IQCJ: variants seen among roughly 807,000 people sequenced by gnomAD.
IQCJ encodes IQ motif containing J, also known as IQ domain-containing protein J.
In IQCJ, 9 loss-of-function variants were observed where a neutral mutation model predicts 11.0. The observed-to-expected ratio is 0.82, with a 90% CI of 0.49 to 1.43. The LOEUF is 1.43. IQCJ is among the 40% of genes most tolerant of loss of function. IQCJ has a pLI of 0.00. For synonymous variants in IQCJ, 55 were observed against 51.3 expected, an observed-to-expected ratio of 1.07 and a Z score of -0.31; for missense variants, 146 against 133.2, an observed-to-expected ratio of 1.10 and a Z score of -0.47.
At chr3:159,182,741 C>T (rs541404594) in intron 1 of IQCJ, among the ~76,000 whole-genome samples, 3 of 151,544 alleles carry the variant, frequency 2.0e-5, no homozygotes, top group Non-Finnish European at 4.4e-5. Flanking sequence ...CTATAGATAA[C>T]CGATTAGGTC....
chr3:159,202,275 C>G, intron 1 of IQCJ, among the ~76,000 whole-genome samples: 1 of 152,174 alleles, frequency 6.6e-6, no homozygotes, highest in Non-Finnish European at 1.5e-5. Context: ...AAAACAAGAA[C>G]AGTTGCCAGC....
chr3:159,257,157 T>TC lies in IQCJ; in HGVS notation c.155+4353dup, dbSNP rs779856017. Among the ~76,000 whole-genome samples the TC allele has an allele frequency of 4.9e-4, 74 of 152,336 alleles. 1 individual carries two copies. The highest frequency in any genetic ancestry group is 2.0e-3 in the Admixed American group (31 of 15,302). ...TTGTTAATCACCTACTTGTCATATA[T>TC]CCCAGAACTGTGGAGTGGTCACTGC... is the stretch of plus-strand genomic sequence containing the variant. On this transcript the variant is annotated intron_variant, in intron 3 of 3. Coordinates refer to ENST00000397832, the MANE Select transcript of IQCJ (RefSeq NM_001042706.3).
chr3:159,239,733 A>G (rs1726801851), intron 1 of IQCJ, among the ~76,000 whole-genome samples: 1 of 152,226 alleles, frequency 6.6e-6, no homozygotes, highest in Non-Finnish European at 1.5e-5. Flanking sequence ...ACCCATAACA[A>G]CATAACATTA....
chr3:159,252,747 C>A lies in IQCJ; in HGVS notation c.95C>A (p.Ala32Glu), dbSNP rs756597764. ...TCTAGTCACCAGCTGGCCATGGATG[C>A]AGAGAATAATATTGAAAAGTATCCC... The part of the protein sequence containing the change: ...SFENHQLAMD[A>E]ENNIEKYPLN... The change falls in exon 3 of 4, where the codon GCA becomes GAA. Residue 32 changes from alanine (A) to glutamate (E), a missense_variant. By Grantham distance (107) the Ala-to-Glu change is moderately radical (BLOSUM62 -1). Coordinates refer to ENST00000397832, the MANE Select transcript of IQCJ (RefSeq NM_001042706.3). 4.2e-5 allele frequency: 68 copies of A among 1,611,294 alleles called. No homozygotes were observed. In the Admixed American group the frequency reaches 1.1e-3, roughly 27 times the overall value.
At chr3:159,261,131 T>C (rs139905646) in intron 3 of IQCJ, among the ~76,000 whole-genome samples, 239 of 152,304 alleles carry the variant, frequency 1.6e-3, no homozygotes, top group African/African-American at 5.4e-3. Context: ...TCCAGCCAAA[T>C]GAGAATAAAT....
At chr3:159,183,462 G>A (rs574847705) in intron 1 of IQCJ, among the ~76,000 whole-genome samples, 2 of 151,724 alleles carry the variant, frequency 1.3e-5, no homozygotes, top group African/African-American at 2.4e-5. Context: ...CTTATTTCAG[G>A]CCCAAATTTT....
At chr3:159,195,585 G>C (rs1723938009) in intron 1 of IQCJ, among the ~76,000 whole-genome samples, 1 of 152,154 alleles carries the variant, frequency 6.6e-6, no homozygotes, top group South Asian at 2.1e-4. Flanking sequence ...TTCCCAAACA[G>C]TACCTTACTC....
At chr3:159,085,923 T>G (rs1229266148) in intron 1 of IQCJ, among the ~76,000 whole-genome samples, 9 of 151,424 alleles carry the variant, frequency 5.9e-5, no homozygotes, top group African/African-American at 1.5e-4. Context: ...TTAGTTTAAT[T>G]AGATACCATT....
intron 1 of IQCJ, among the ~76,000 whole-genome samples, chr3:159,242,194 G>C (rs560209741): frequency 2.2e-4 from 33 of 152,174 alleles, no homozygotes; most frequent in Non-Finnish European, 4.0e-4. Flanking sequence ...AGAGATAGGT[G>C]GGGGTTCGTG....
At chr3:159,138,839 T>C (rs1720440882) in intron 1 of IQCJ, among the ~76,000 whole-genome samples, 1 of 152,218 alleles carries the variant, frequency 6.6e-6, no homozygotes, top group Non-Finnish European at 1.5e-5. Context: ...ATTTCATAGT[T>C]TTCTATACAT....
chr3:159,210,118 C>A (rs1724872663), intron 1 of IQCJ, among the ~76,000 whole-genome samples: 1 of 152,150 alleles, frequency 6.6e-6, no homozygotes, highest in Non-Finnish European at 1.5e-5. Flanking sequence ...AAGCAGAGCC[C>A]AACCAAGGGT....
intron 1 of IQCJ, among the ~76,000 whole-genome samples, chr3:159,219,854 T>A (rs1053872861): frequency 2.6e-5 from 4 of 152,110 alleles, no homozygotes; most frequent in Admixed American, 2.0e-4. Context: ...CAGTGCTCTC[T>A]CAGTGTCAGT....
At chr3:159,119,061 A>C (rs531679777) in intron 1 of IQCJ, among the ~76,000 whole-genome samples, 1 of 152,332 alleles carries the variant, frequency 6.6e-6, no homozygotes, top group Admixed American at 6.5e-5. Context: ...CAGCTCTGAG[A>C]ACCGAGCCTT....
At chr3:159,082,861 C>A (rs1716416895) in intron 1 of IQCJ, among the ~76,000 whole-genome samples, 1 of 152,062 alleles carries the variant, frequency 6.6e-6, no homozygotes, top group South Asian at 2.1e-4. Context: ...GGCTCTATAA[C>A]CCCTCTGTGA....
chr3:159,246,099 C>T (rs1727256101), intron 2 of IQCJ, among the ~76,000 whole-genome samples, 192 bp downstream of exon 2: 2 of 152,166 alleles, frequency 1.3e-5, no homozygotes, highest in Admixed American at 1.3e-4. Flanking sequence ...GAAAAACAAG[C>T]TCTACTGCTT....
rs773460316 is a variant in IQCJ at position 159,075,694 on chromosome 3, T to C, written c.9+6253T>C. Among the ~76,000 whole-genome samples the C allele has an allele frequency of 3.0e-4, 45 of 152,246 alleles. 2 individuals carry two copies. In the South Asian group the frequency reaches 6.0e-3, roughly 20 times the overall value. ...AGGGAGGGGTCTGTGTATGTAGACA[T>C]TTGTAATTCTGTGCTCTAACTCAAA... is the stretch of plus-strand genomic sequence containing the variant. On this transcript the variant is annotated intron_variant, in intron 1 of 3. Transcript: ENST00000397832.
At chr3:159,188,359 G>A (rs567613305) in intron 1 of IQCJ, among the ~76,000 whole-genome samples, 2 of 152,224 alleles carry the variant, frequency 1.3e-5, no homozygotes, top group South Asian at 2.1e-4. Flanking sequence ...GCAGTGAGCC[G>A]AGATCACGCC....
intron 1 of IQCJ, among the ~76,000 whole-genome samples, chr3:159,129,612 G>A (rs1719879593): frequency 1.3e-5 from 2 of 152,280 alleles, no homozygotes; most frequent in South Asian, 4.1e-4. Context: ...GGAGAGGAAT[G>A]AGAACTAAAG....
intron 1 of IQCJ, among the ~76,000 whole-genome samples, chr3:159,188,066 G>C (rs969045727): frequency 1.3e-5 from 2 of 152,176 alleles, no homozygotes; most frequent in African/African-American, 4.8e-5. Flanking sequence ...AGTTATGGAT[G>C]CCTCTGCCAC....
Sources: gnomAD v4.1 joint callset for allele counts (sites outside exome capture counted in the v4.1 genomes callset) on GRCh38, gnomAD v4.1.1 for gene constraint, MANE v1.5 for transcripts, NCBI Gene and HGNC (gene_info 2026-07-23, HGNC 2026-07-21) for gene names.